The following TBC1D8 variants were observed in gnomAD, a reference collection of about 807,000 sequenced individuals.
TBC1D8 encodes TBC1 domain family member 8.
In TBC1D8, 65 loss-of-function variants were observed where a neutral mutation model predicts 118.8. The ratio of observed to expected loss-of-function variants is 0.55; its 90% CI spans 0.45 to 0.67. The LOEUF is 0.67. Ranked by LOEUF, TBC1D8 falls within the 30% of genes least tolerant of loss-of-function variation. The probability of loss-of-function intolerance (pLI) is 0.00; values close to 1 mark genes in which losing one functional copy is unlikely to be tolerated. For missense variants in TBC1D8, 1,376 were observed against 1,471.2 expected, an observed-to-expected ratio of 0.94 and a Z score of 1.06; for synonymous variants, 566 against 595.8, an observed-to-expected ratio of 0.95 and a Z score of 0.73.
At chr2:101,095,473 A>G (rs550670282) in intron 1 of TBC1D8, among the ~76,000 whole-genome samples, 20 of 137,476 alleles carry the variant, frequency 1.5e-4, no homozygotes, top group African/African-American at 5.2e-4. Context: ...TCATTGTTCA[A>G]TTCCCACCTA....
intron 1 of TBC1D8, among the ~76,000 whole-genome samples, chr2:101,146,790 T>C (rs932011397): frequency 6.6e-6 from 1 of 152,208 alleles, no homozygotes; most frequent in Non-Finnish European, 1.5e-5. Context: ...GTCACCCTAC[T>C]GTGCAAGAAA....
At chr2:101,029,861 C>T in intron 11 of TBC1D8, 85 bp from the exon 12 acceptor site, 2 of 1,411,504 alleles carry the variant, frequency 1.4e-6, no homozygotes, top group Non-Finnish European at 1.9e-6. Context: ...TCTGAGGTAA[C>T]CAGAACAAAG....
At chr2:101,102,515 A>AT (rs1490717605) in intron 1 of TBC1D8, among the ~76,000 whole-genome samples, 1 of 150,428 alleles carries the variant, frequency 6.6e-6, no homozygotes, top group African/African-American at 2.4e-5. Context: ...ACTAAATGAG[A>AT]TTTTCAGAGT....
chr2:101,079,764 C>T (rs1675136644), intron 2 of TBC1D8, among the ~76,000 whole-genome samples: 1 of 136,402 alleles, frequency 7.3e-6, no homozygotes, highest in African/African-American at 2.7e-5. Flanking sequence ...CGGCTCACTA[C>T]AAGCTCCGCC....
At chr2:101,089,439 T>C (rs759586081) in intron 2 of TBC1D8, among the ~76,000 whole-genome samples, 11 of 151,310 alleles carry the variant, frequency 7.3e-5, no homozygotes, top group Non-Finnish European at 1.2e-4. Flanking sequence ...AAAAAAGATG[T>C]TTTGGTTTTG....
intron 2 of TBC1D8, among the ~76,000 whole-genome samples, chr2:101,069,977 G>A (rs1033433090): frequency 6.7e-6 from 1 of 148,800 alleles, no homozygotes; most frequent in Non-Finnish European, 1.5e-5. Flanking sequence ...GTGCAATAGC[G>A]TGATCTCGGC....
intron 2 of TBC1D8, among the ~76,000 whole-genome samples, chr2:101,078,587 G>A (rs1675004793): frequency 1.3e-5 from 2 of 151,916 alleles, no homozygotes; most frequent in Non-Finnish European, 2.9e-5. Flanking sequence ...TAGGGGAAGG[G>A]CTTAGAGAGG....
intron 1 of TBC1D8, among the ~76,000 whole-genome samples, chr2:101,142,276 A>G (rs1679137707): frequency 6.6e-6 from 1 of 152,204 alleles, no homozygotes; most frequent in Non-Finnish European, 1.5e-5. Flanking sequence ...CTGTTCACAA[A>G]AGTCCCAGTT....
At chr2:101,122,857 A>G (rs1474582718) in intron 1 of TBC1D8, among the ~76,000 whole-genome samples, 1 of 152,176 alleles carries the variant, frequency 6.6e-6, no homozygotes, top group Non-Finnish European at 1.5e-5. Flanking sequence ...TTGGTGTCAA[A>G]CACTGATCAA....
chr2:101,015,941 T>TA (rs1365848221), intron 17 of TBC1D8, among the ~76,000 whole-genome samples: 18 of 151,854 alleles, frequency 1.2e-4, no homozygotes, highest in Non-Finnish European at 1.8e-4. Flanking sequence ...ATTAAAGACT[T>TA]AAACGTTAGA....
At chr2:101,150,784 C>T (rs1183082620) in intron 1 of TBC1D8, among the ~76,000 whole-genome samples, 1 of 152,168 alleles carries the variant, frequency 6.6e-6, no homozygotes, top group Non-Finnish European at 1.5e-5. Context: ...ACAGCAGCCT[C>T]GCTGCTCCAG....
intron 5 of TBC1D8, among the ~76,000 whole-genome samples, chr2:101,049,262 A>T (rs1681900202): frequency 6.6e-6 from 1 of 152,242 alleles, no homozygotes; most frequent in South Asian, 2.1e-4. Flanking sequence ...GCAACAAACA[A>T]TTCAAACAAC....
At chr2:101,048,740 T>TTAA (rs1553406612) in intron 5 of TBC1D8, among the ~76,000 whole-genome samples, 1 of 132,158 alleles carries the variant, frequency 7.6e-6, no homozygotes, top group Non-Finnish European at 1.5e-5. Context: ...TAAGTCTTTT[T>TTAA]AAAAAAAAAA....
Position 101,029,792 on chromosome 2 carries a change from C to T in TBC1D8, c.1937-16G>A, listed in dbSNP as rs780286894. 2.0e-5 allele frequency: 32 copies of T among 1,609,550 alleles called. No homozygotes were observed. The highest frequency in any genetic ancestry group is 2.4e-5 in the Non-Finnish European group (28 of 1,176,754). The stretch of plus-strand genomic sequence containing the variant: ...ACTTGTGCCCCTGGAAAAGAAAGGG[C>T]ACAGGGCTCTGGCTGGGGTAGGACT... On this transcript the variant is annotated splice_polypyrimidine_tract_variant and intron_variant, in intron 11 of 19. Transcript: ENST00000409318.
At chr2:101,009,384 C>A (rs542894631) in intron 19 of TBC1D8, among the ~76,000 whole-genome samples, 22 of 141,478 alleles carry the variant, frequency 1.6e-4, no homozygotes, top group African/African-American at 5.4e-4. Context: ...CTAGCCTGGG[C>A]GACAGAGTGA....
intron 1 of TBC1D8, among the ~76,000 whole-genome samples, chr2:101,140,182 C>G (rs1461585570): frequency 1.3e-5 from 2 of 152,012 alleles, no homozygotes; most frequent in Non-Finnish European, 2.9e-5. Context: ...GTCACAGAAC[C>G]CCTCTTTAAA....
chr2:101,045,698 T>G (rs1339534444), intron 5 of TBC1D8, among the ~76,000 whole-genome samples: 2 of 151,932 alleles, frequency 1.3e-5, no homozygotes, highest in Admixed American at 6.6e-5. Context: ...CGTGATGTGC[T>G]CCCCCAGAGA....
chr2:101,040,914 G>A (rs529806758), intron 5 of TBC1D8, among the ~76,000 whole-genome samples: 205 of 152,400 alleles, frequency 1.3e-3, no homozygotes, highest in African/African-American at 4.1e-3. Flanking sequence ...GAGCAGACGC[G>A]CTGTCTCTGC....
chr2:101,130,402 C>A (rs143478617), intron 1 of TBC1D8, among the ~76,000 whole-genome samples: 1 of 152,194 alleles, frequency 6.6e-6, no homozygotes, highest in Non-Finnish European at 1.5e-5. Context: ...CCAAGTCGGA[C>A]CCTAGTGAGA....
Sources: gnomAD v4.1 joint callset for allele counts (sites outside exome capture counted in the v4.1 genomes callset) on GRCh38, gnomAD v4.1.1 for gene constraint, MANE v1.5 for transcripts, NCBI Gene and HGNC (gene_info 2026-07-23, HGNC 2026-07-21) for gene names.